Variants in KAZN observed in about 807,000 individuals in gnomAD.
The protein encoded by KAZN is kazrin.
In KAZN, 40 loss-of-function variants were observed where a neutral mutation model predicts 87.4. The ratio of observed to expected loss-of-function variants is 0.46; its 90% CI spans 0.36 to 0.60. The LOEUF (loss-of-function observed/expected upper bound fraction) is 0.60, where lower values mean the gene tolerates loss of function less well. KAZN is among the 20% of genes least tolerant of loss of function. The pLI, the probability that KAZN is intolerant of heterozygous loss-of-function variation, is 0.00. For synonymous variants in KAZN, 466 were observed against 458.3 expected, an observed-to-expected ratio of 1.02 and a Z score of -0.22; for missense variants, 898 against 1,073.9, an observed-to-expected ratio of 0.84 and a Z score of 2.29.
intron 1 of KAZN, among the ~76,000 whole-genome samples, chr1:14,171,158 TG>T (rs1645947165): frequency 6.6e-6 from 1 of 152,244 alleles, no homozygotes; most frequent in Non-Finnish European, 1.5e-5. Flanking sequence ...TTCCATTGTA[TG>T]GATATACCAC....
Position 15,056,880 on chromosome 1 carries a change from G to A in KAZN, c.916+600G>A, listed in dbSNP as rs191992094. Among the ~76,000 whole-genome samples, 3 of 152,316 alleles carry A rather than the reference G, an allele frequency of 2.0e-5. No individual in the cohort carries two copies. Among genetic ancestry groups the A allele is most frequent in the African/African-American group, 4.8e-5 (2 of 41,550 alleles). On this transcript the variant is annotated intron_variant, in intron 5 of 14. Transcript: ENST00000376030. This position sits in a 1 kb window ranked among gnomAD's most constrained non-coding sequence, Gnocchi z 5.4. ...CCATGGAACAGGCTCCAAACTTCTC[G>A]CTGTCCTGTTGCACGTCTGCAGGCC...
chr1:14,794,716 T>A (rs577177951), intron 1 of KAZN, among the ~76,000 whole-genome samples: 9 of 152,294 alleles, frequency 5.9e-5, no homozygotes, highest in Middle Eastern at 3.4e-3. Context: ...GGTGTAATGG[T>A]TAATACTGAG....
upstream of KAZN, among the ~76,000 whole-genome samples, chr1:14,596,283 G>A (rs1402519059): frequency 2.7e-5 from 4 of 147,994 alleles, no homozygotes; most frequent in Non-Finnish European, 5.9e-5. Context: ...CTATACCAGA[G>A]GTGTGAGTGC....
intron 1 of KAZN, among the ~76,000 whole-genome samples, chr1:14,641,263 A>G (rs1239691674): frequency 1.3e-5 from 2 of 152,222 alleles, no homozygotes; most frequent in Non-Finnish European, 2.9e-5. Flanking sequence ...TAGACTGGCC[A>G]GGCAAAAGCC....
At chr1:14,461,386 C>G (rs2480048) in intron 2 of KAZN, among the ~76,000 whole-genome samples, 143,926 of 152,252 alleles carry the variant, frequency 0.95, 68,186 homozygotes, top group African/African-American at 0.99. Context: ...AGATCTGATG[C>G]TTTTATAAGG....
intron 2 of KAZN, among the ~76,000 whole-genome samples, chr1:14,519,531 C>T (rs1337054197): frequency 1.3e-5 from 2 of 152,282 alleles, no homozygotes; most frequent in South Asian, 2.1e-4. Flanking sequence ...TTCTTACCCC[C>T]AGTGGCACAG....
chr1:14,690,769 A>G (rs981233094), intron 1 of KAZN, among the ~76,000 whole-genome samples: 3 of 152,186 alleles, frequency 2.0e-5, no homozygotes, highest in African/African-American at 7.2e-5. Context: ...AATTCATTCA[A>G]GAAGACTGAC....
At chr1:14,168,264 G>T (rs1343176173) in intron 1 of KAZN, among the ~76,000 whole-genome samples, 1 of 152,238 alleles carries the variant, frequency 6.6e-6, no homozygotes, top group East Asian at 1.9e-4. Flanking sequence ...AAGTGGAGTT[G>T]GCCTTGGTAA....
chr1:14,481,047 C>T (rs1669054952), intron 2 of KAZN, among the ~76,000 whole-genome samples: 1 of 151,660 alleles, frequency 6.6e-6, no homozygotes, highest in Admixed American at 6.6e-5. Flanking sequence ...TATTTTCTGT[C>T]TTTCATTCCC....
intron 1 of KAZN, among the ~76,000 whole-genome samples, chr1:13,901,582 G>A (rs6429800): frequency 0.77 from 117,504 of 152,200 alleles, 46,071 homozygotes; most frequent in African/African-American, 0.91. Context: ...TGAAAGGTTT[G>A]AAATTCCAGA....
chr1:14,316,804 G>A lies in KAZN; in HGVS notation c.249+136212G>A, dbSNP rs183638491. Among the ~76,000 whole-genome samples, 6 of 151,902 alleles carry A rather than the reference G, an allele frequency of 3.9e-5. No individual in the cohort carries two copies. In the East Asian group the frequency reaches 1.2e-3, roughly 29 times the overall value. On this transcript the variant is annotated intron_variant, in intron 2 of 16. Transcript: ENST00000636203. ...TTTTTTGCCCATGGATTATTCAGAA[G>A]TATATTGCTTAATTTCTAGTTATCT... is the stretch of plus-strand genomic sequence containing the variant.
At chr1:14,414,762 C>T (rs1278392581) in intron 2 of KAZN, among the ~76,000 whole-genome samples, 1 of 152,044 alleles carries the variant, frequency 6.6e-6, no homozygotes, top group Non-Finnish European at 1.5e-5. Context: ...CAGTGGCTCA[C>T]TCCTGTAATC....
At chr1:14,257,943 T>TAAA (rs529361900) in intron 2 of KAZN, among the ~76,000 whole-genome samples, 53 of 45,544 alleles carry the variant, frequency 1.2e-3, no homozygotes, top group African/African-American at 3.1e-3. Flanking sequence ...TAGAGTATAA[T>TAAA]AAAAAAAAAA....
chr1:14,072,206 C>T (rs1240336611), intron 1 of KAZN, among the ~76,000 whole-genome samples: 2 of 152,152 alleles, frequency 1.3e-5, no homozygotes, highest in African/African-American at 4.8e-5. Context: ...TCTTTTTGCA[C>T]AGGGCCTAGT....
chr1:14,531,409 G>T (rs867827140), intron 2 of KAZN, among the ~76,000 whole-genome samples: 1 of 152,116 alleles, frequency 6.6e-6, no homozygotes, highest in South Asian at 2.1e-4. Flanking sequence ...CACTGTATTC[G>T]CAAACCCCAC....
At chr1:14,825,959 G>A (rs527369974) in intron 1 of KAZN, among the ~76,000 whole-genome samples, 201 of 152,336 alleles carry the variant, frequency 1.3e-3, no homozygotes, top group Non-Finnish European at 2.4e-3. Flanking sequence ...GGTGCTCAGT[G>A]AACACGCTCT....
intron 2 of KAZN, among the ~76,000 whole-genome samples, chr1:14,576,854 G>T (rs1475329101): frequency 2.0e-5 from 3 of 152,152 alleles, no homozygotes; most frequent in African/African-American, 7.2e-5. Flanking sequence ...GTGTCCAATG[G>T]GAAAAGTCCT....
chr1:15,023,159 G>A (rs955554174), intron 2 of KAZN, among the ~76,000 whole-genome samples: 2 of 152,176 alleles, frequency 1.3e-5, no homozygotes, highest in African/African-American at 4.8e-5. Flanking sequence ...CCATGATCAC[G>A]CTTAGCATGA....
chr1:14,163,373 G>A (rs1237479381), intron 1 of KAZN, among the ~76,000 whole-genome samples: 1 of 152,102 alleles, frequency 6.6e-6, no homozygotes, highest in African/African-American at 2.4e-5. Context: ...CTTCTCTCTT[G>A]ATTTTTTTCC....
Sources: allele counts gnomAD v4.1 joint callset (sites outside exome capture counted in the v4.1 genomes callset), GRCh38; gene constraint gnomAD v4.1.1; non-coding constraint Gnocchi (gnomAD v3.1); transcripts MANE v1.5; gene names NCBI Gene and HGNC (gene_info 2026-07-23, HGNC 2026-07-21).